The following FGF12 variants were observed in gnomAD, a reference collection of about 807,000 sequenced individuals.
FGF12 encodes fibroblast growth factor 12B.
FGF12 carries 14 observed loss-of-function variants against 23.6 expected under a neutral mutation model. That is an observed-to-expected ratio of 0.59 (90% confidence interval 0.39 to 0.93). The LOEUF is 0.93. Among genes scored for constraint, FGF12 ranks in the 40% least tolerant of loss-of-function variants. The pLI, the probability that FGF12 is intolerant of heterozygous loss-of-function variation, is 0.00. For synonymous variants in FGF12, 62 were observed against 77.3 expected (o/e 0.80, Z 1.04); for missense variants, 175 against 217.8 (o/e 0.80, Z 1.24).
intron 2 of FGF12, among the ~76,000 whole-genome samples, chr3:192,398,168 A>C (rs927511104): frequency 6.6e-6 from 1 of 152,208 alleles, no homozygotes; most frequent in Non-Finnish European, 1.5e-5. Context: ...CTGACATTTT[A>C]GACAGATTTC....
chr3:192,608,648 A>C (rs1374430384), intron 2 of FGF12, among the ~76,000 whole-genome samples: 5 of 152,142 alleles, frequency 3.3e-5, no homozygotes, highest in Non-Finnish European at 4.4e-5. Flanking sequence ...AAAAAGCTGC[A>C]AACTCCTTCT....
chr3:192,470,750 C>T (rs1035161771), intron 2 of FGF12, among the ~76,000 whole-genome samples: 2 of 152,142 alleles, frequency 1.3e-5, no homozygotes, highest in South Asian at 2.1e-4. Context: ...TCAGTTATTC[C>T]TTGGGCTTTT....
intron 2 of FGF12, among the ~76,000 whole-genome samples, chr3:192,424,261 G>A (rs1038378614): frequency 6.6e-6 from 1 of 152,166 alleles, no homozygotes; most frequent in Admixed American, 6.6e-5. Flanking sequence ...CATAGGAAAA[G>A]AGAGTCATAA....
intron 4 of FGF12, among the ~76,000 whole-genome samples, chr3:192,311,555 T>A (rs1047985973): frequency 9.9e-5 from 15 of 152,184 alleles, no homozygotes; most frequent in Admixed American, 9.8e-4. Context: ...TTGATGGACA[T>A]TTGAATTGTT....
At chr3:192,725,331 C>G (rs1719175584) in intron 2 of FGF12, among the ~76,000 whole-genome samples, 1 of 151,580 alleles carries the variant, frequency 6.6e-6, no homozygotes, top group Non-Finnish European at 1.5e-5. Flanking sequence ...GCAAAATGAC[C>G]ACAATGTTGG....
In FGF12 at chr3:192,193,217, T is replaced by C. The variant is rs547545848; in HGVS notation, c.229-22561A>G. 4.6e-5 allele frequency among the ~76,000 whole-genome samples: 7 copies of C among 152,362 alleles called. No homozygotes were observed. The South Asian group carries it at 1.5e-3, about 32-fold the overall frequency. On this transcript the variant is annotated intron_variant, in intron 4 of 5. Transcript: ENST00000445105. ...TACTTCCTGGTCTCGCTTGCCTTGC[T>C]CTAGATCTGTTCTGGATTGTCAATG...
intron 2 of FGF12, among the ~76,000 whole-genome samples, chr3:192,372,498 G>A (rs1187340960): frequency 6.6e-6 from 1 of 152,074 alleles, no homozygotes; most frequent in Non-Finnish European, 1.5e-5. Flanking sequence ...GCAGTTGAGA[G>A]CTCCAAGAAC....
At chr3:192,561,632 G>A (rs528612405) in intron 2 of FGF12, among the ~76,000 whole-genome samples, 3 of 152,156 alleles carry the variant, frequency 2.0e-5, no homozygotes, top group African/African-American at 7.2e-5. Context: ...AAAGTGCTGG[G>A]ATTACAGGCG....
chr3:192,300,687 A>G (rs969257797), intron 4 of FGF12, among the ~76,000 whole-genome samples: 6 of 152,178 alleles, frequency 3.9e-5, no homozygotes, highest in African/African-American at 1.4e-4. Flanking sequence ...ACTTCACAAG[A>G]CTGCCAAGTT....
intron 4 of FGF12, among the ~76,000 whole-genome samples, chr3:192,324,701 C>T (rs1269342081): frequency 6.6e-6 from 1 of 152,144 alleles, no homozygotes; most frequent in African/African-American, 2.4e-5. Context: ...ACTTAATATT[C>T]CCTGATTCAC....
At position 192,261,689 on chromosome 3, in the gene FGF12, T is replaced by C. The variant is rs569715541; in HGVS notation, c.228+73672A>G. On this transcript the variant is annotated intron_variant, in intron 4 of 5. Coordinates refer to ENST00000445105, the MANE Select transcript of FGF12 (RefSeq NM_004113.6). ...AAGGAAATCTTTTTTGCTTACATCA[T>C]GAGCTTACATCGAACACAGTGGTTA... is the stretch of plus-strand genomic sequence containing the variant. 6.6e-5 allele frequency among the ~76,000 whole-genome samples: 10 copies of C among 152,322 alleles called. No individual in the cohort carries two copies. In the South Asian group the frequency reaches 2.1e-3, roughly 32 times the overall value.
intron 2 of FGF12, among the ~76,000 whole-genome samples, chr3:192,398,694 C>T (rs140759241): frequency 3.7e-4 from 56 of 152,254 alleles, no homozygotes; most frequent in African/African-American, 1.3e-3. Flanking sequence ...TTATATATAG[C>T]TCCCTTGTTT....
At chr3:192,242,477 T>C (rs1719672580) in intron 4 of FGF12, among the ~76,000 whole-genome samples, 1 of 152,004 alleles carries the variant, frequency 6.6e-6, no homozygotes. Context: ...ACCACTGAAG[T>C]AGCCCAGTCA....
chr3:192,350,297 C>A (rs552769473), intron 3 of FGF12, among the ~76,000 whole-genome samples: 1 of 151,982 alleles, frequency 6.6e-6, no homozygotes, highest in East Asian at 1.9e-4. Flanking sequence ...AGACAAAAGG[C>A]TTTTAGAGGA....
At chr3:192,385,038 G>C (rs1202574338) in intron 2 of FGF12, among the ~76,000 whole-genome samples, 1 of 152,112 alleles carries the variant, frequency 6.6e-6, no homozygotes, top group Non-Finnish European at 1.5e-5. Context: ...GAGGGAAAAG[G>C]GAGATGACCT....
chr3:192,665,712 T>G (rs573843422), intron 2 of FGF12, among the ~76,000 whole-genome samples: 15 of 152,220 alleles, frequency 9.9e-5, no homozygotes, highest in African/African-American at 3.6e-4. Flanking sequence ...CCATGGCACA[T>G]GTATACAAAC....
intron 2 of FGF12, among the ~76,000 whole-genome samples, chr3:192,724,293 CA>C (rs1232555747): frequency 6.6e-6 from 1 of 152,150 alleles, no homozygotes; most frequent in African/African-American, 2.4e-5. Flanking sequence ...CTGCAAACCA[CA>C]TTTTGACTAT....
intron 2 of FGF12, among the ~76,000 whole-genome samples, chr3:192,524,978 T>C (rs1724907826): frequency 6.6e-6 from 1 of 152,162 alleles, no homozygotes; most frequent in Non-Finnish European, 1.5e-5. Context: ...ATTATATGTG[T>C]TGAAATTATT....
intron 2 of FGF12, among the ~76,000 whole-genome samples, chr3:192,700,794 G>A (rs76152499): frequency 0.037 from 5,599 of 152,208 alleles, 369 homozygotes; most frequent in African/African-American, 0.13. Context: ...AGGCACAACT[G>A]ACCAGCATTA....
Sources: gnomAD v4.1 joint callset for allele counts (sites outside exome capture counted in the v4.1 genomes callset) on GRCh38, gnomAD v4.1.1 for gene constraint, MANE v1.5 for transcripts, NCBI Gene and HGNC (gene_info 2026-07-23, HGNC 2026-07-21) for gene names.